RAB28: variants seen among roughly 807,000 people sequenced by gnomAD.
The protein encoded by RAB28 is ras-related protein Rab-28.
RAB28 carries 24 observed loss-of-function variants against 31.7 expected under a neutral mutation model. The observed-to-expected ratio is 0.76, with a 90% CI of 0.55 to 1.06. The LOEUF is 1.06. Ranked by LOEUF, RAB28 falls within the 50% of genes least tolerant of loss-of-function variation. RAB28 has a pLI of 0.00. For missense variants in RAB28, 254 were observed against 258.5 expected, an observed-to-expected ratio of 0.98 and a Z score of 0.12; for synonymous variants, 100 against 90.4, an observed-to-expected ratio of 1.11 and a Z score of -0.60.
At chr4:13,415,818 G>T (rs1712742265) in intron 4 of RAB28, among the ~76,000 whole-genome samples, 1 of 152,218 alleles carries the variant, frequency 6.6e-6, no homozygotes, top group African/African-American at 2.4e-5. Flanking sequence ...CCCAGTGCAG[G>T]ATCCACTGGG....
At chr4:13,468,403 C>A (rs991812207) in intron 3 of RAB28, among the ~76,000 whole-genome samples, 1 of 151,754 alleles carries the variant, frequency 6.6e-6, no homozygotes, top group African/African-American at 2.4e-5. Flanking sequence ...CAAACTATAA[C>A]CAGAAATCAG....
At chr4:13,393,886 C>G (rs1729758478) in intron 4 of RAB28, among the ~76,000 whole-genome samples, 1 of 146,946 alleles carries the variant, frequency 6.8e-6, no homozygotes, top group African/African-American at 2.5e-5. Flanking sequence ...AGTACATGCA[C>G]TTCTTTAAAA....
intron 4 of RAB28, among the ~76,000 whole-genome samples, chr4:13,394,275 T>C (rs1446935557): frequency 6.6e-6 from 1 of 151,950 alleles, no homozygotes. Context: ...ACAGATGGGG[T>C]AGTAGGGGGG....
intron 4 of RAB28, among the ~76,000 whole-genome samples, chr4:13,435,241 T>C (rs908885545): frequency 6.6e-6 from 1 of 151,586 alleles, no homozygotes; most frequent in Non-Finnish European, 1.5e-5. Context: ...GCAAAGAGTA[T>C]AGCTATGGTA....
chr4:13,431,770 G>A (rs1271855784), intron 4 of RAB28, among the ~76,000 whole-genome samples: 2 of 151,260 alleles, frequency 1.3e-5, no homozygotes, highest in African/African-American at 4.9e-5. Context: ...ATACCCTCAA[G>A]GAAAAAAAGA....
At chr4:13,370,092 A>ACCACCTC in intron 6 of RAB28, 1 of 1,427,816 alleles carries the variant, frequency 7.0e-7, no homozygotes, top group Non-Finnish European at 9.2e-7. Flanking sequence ...AAATTAACAT[A>ACCACCTC]TAAATGTAAA....
chr4:13,433,132 A>G (rs897042362), intron 4 of RAB28, among the ~76,000 whole-genome samples: 1 of 151,568 alleles, frequency 6.6e-6, no homozygotes, highest in African/African-American at 2.4e-5. Flanking sequence ...TATCATGCAA[A>G]TGAAAGAAAA....
At chr4:13,424,626 A>G (rs929637169) in intron 4 of RAB28, among the ~76,000 whole-genome samples, 1 of 152,210 alleles carries the variant, frequency 6.6e-6, no homozygotes, top group South Asian at 2.1e-4. Flanking sequence ...TAGGCTTCCT[A>G]TTTCACTGAG....
chr4:13,381,256 A>T (rs1044805272), intron 5 of RAB28, among the ~76,000 whole-genome samples: 1 of 152,158 alleles, frequency 6.6e-6, no homozygotes, highest in Non-Finnish European at 1.5e-5. Context: ...CTAGATACTG[A>T]CATTACGGGT....
intron 6 of RAB28, among the ~76,000 whole-genome samples, chr4:13,376,293 T>C (rs1371336768): frequency 1.3e-5 from 2 of 152,114 alleles, no homozygotes; most frequent in East Asian, 1.9e-4. Flanking sequence ...TAACCACTAA[T>C]AAAAATTTTC....
chr4:13,468,243 A>G (rs1715959766), intron 3 of RAB28, among the ~76,000 whole-genome samples: 1 of 152,018 alleles, frequency 6.6e-6, no homozygotes, highest in Non-Finnish European at 1.5e-5. Context: ...AATCAACTTC[A>G]TCTAATTGAC....
intron 4 of RAB28, among the ~76,000 whole-genome samples, chr4:13,398,694 C>G (rs1027825088): frequency 4.7e-5 from 7 of 150,216 alleles, no homozygotes; most frequent in African/African-American, 1.7e-4. Flanking sequence ...AGGAGAACGG[C>G]GTGAACCTGG....
intron 3 of RAB28, among the ~76,000 whole-genome samples, chr4:13,466,246 A>C (rs1715837344): frequency 6.6e-6 from 1 of 151,948 alleles, no homozygotes; most frequent in Non-Finnish European, 1.5e-5. Context: ...CTGTGCAGCA[A>C]AGGAGGAAAA....
At chr4:13,380,543 A>T (rs1222154832) in intron 5 of RAB28, among the ~76,000 whole-genome samples, 1 of 151,668 alleles carries the variant, frequency 6.6e-6, no homozygotes, top group Non-Finnish European at 1.5e-5. Context: ...ATAATCAAAG[A>T]AATTCAAATT....
chr4:13,446,168 C>T (rs2108946361), intron 4 of RAB28, among the ~76,000 whole-genome samples: 1 of 152,288 alleles, frequency 6.6e-6, no homozygotes, highest in Non-Finnish European at 1.5e-5. Flanking sequence ...TTAGCACCGT[C>T]GGGAAAACCG....
intron 6 of RAB28, chr4:13,369,744 A>T (rs1015268103): frequency 1.1e-6 from 1 of 916,626 alleles, no homozygotes; most frequent in East Asian, 3.1e-5. Context: ...CGTAGACGTG[A>T]TATTAACTTC....
Position 13,466,884 on chromosome 4 carries a change from G to A in RAB28, c.262-6056C>T, listed in dbSNP as rs181535069. 1.3e-3 allele frequency among the ~76,000 whole-genome samples: 201 copies of A among 152,078 alleles called. 2 individuals carry two copies. Among genetic ancestry groups the A allele is most frequent in the African/African-American group, 4.6e-3 (193 of 41,556 alleles). Reference sequence around the variant, plus strand: ...AAAAGTCTCTCATTTGCAACAGCATGAATGGAATTGGAAAACATTAAGCTA... The same window carrying A: ...AAAAGTCTCTCATTTGCAACAGCATAAATGGAATTGGAAAACATTAAGCTA... On this transcript the variant is annotated intron_variant, in intron 3 of 6. Transcript: ENST00000330852.
At position 13,474,377 on chromosome 4, in the gene RAB28, C is replaced by G. The variant is rs759845643; in HGVS notation, c.202G>C (p.Asp68His). The G allele has an allele frequency of 2.5e-6, 4 of 1,593,140 alleles. No individual in the cohort carries two copies. In the Admixed American group the frequency reaches 6.8e-5, roughly 27 times the overall value. Residue 68 changes from aspartate (D) to histidine (H), a missense_variant, in exon 3 of 7, where the codon GAT (aspartate) becomes CAT (histidine). Coordinates refer to ENST00000330852, the MANE Select transcript of RAB28 (RefSeq NM_001017979.3). The part of the protein sequence containing the change: ...GNLNVTLQIW[D>H]IGGQTIGGKM... ...CCTCCTATTGTCTGCCCTCCTATAT[C>G]CCAAATTTGAAGGGTAACATTCAAG...
chr4:13,474,828 A>C (rs965916085), intron 2 of RAB28, among the ~76,000 whole-genome samples: 1 of 151,662 alleles, frequency 6.6e-6, no homozygotes. Context: ...TAGGTTCTAA[A>C]CTCTATGGCT....
Sources: gnomAD v4.1 joint callset for allele counts (sites outside exome capture counted in the v4.1 genomes callset) on GRCh38, gnomAD v4.1.1 for gene constraint, MANE v1.5 for transcripts, NCBI Gene and HGNC (gene_info 2026-07-23, HGNC 2026-07-21) for gene names.